Variants in CRTAC1 observed in about 807,000 individuals in gnomAD.
CRTAC1 encodes the protein acidic secreted protein in cartilage.
CRTAC1 carries 37 observed loss-of-function variants against 67.8 expected under a neutral mutation model. That is an observed-to-expected ratio of 0.55 (90% confidence interval 0.42 to 0.72). The LOEUF (loss-of-function observed/expected upper bound fraction) is 0.72, where lower values mean the gene tolerates loss of function less well. Ranked by LOEUF, CRTAC1 falls within the 30% of genes least tolerant of loss-of-function variation. The pLI is 0.00. For missense variants in CRTAC1, 780 were observed against 931.6 expected (o/e 0.84, Z 2.12); for synonymous variants, 348 against 371.0 (o/e 0.94, Z 0.71).
chr10:97,892,883 T>C lies in CRTAC1; in HGVS notation c.1486+2362A>G, dbSNP rs555949439. ...TCATATAACCAGGCTCTGGGTCCCCTAAATATTTATTGCTTCTTTTTCAGA... is the reference window on the plus strand; with the variant it reads ...TCATATAACCAGGCTCTGGGTCCCCCAAATATTTATTGCTTCTTTTTCAGA... On this transcript the variant is annotated intron_variant, in intron 11 of 14. Transcript: ENST00000370597. 5.4e-4 allele frequency among the ~76,000 whole-genome samples: 82 copies of C among 152,304 alleles called. 1 individual carries two copies. In the South Asian group the frequency reaches 0.016, roughly 30 times the overall value.
intron 2 of CRTAC1, among the ~76,000 whole-genome samples, chr10:97,949,627 C>T (rs781679133): frequency 2.6e-5 from 4 of 152,176 alleles, no homozygotes; most frequent in Non-Finnish European, 2.9e-5. Context: ...CGGAGAGAGC[C>T]CTGGACTTGA....
intron 11 of CRTAC1, among the ~76,000 whole-genome samples, chr10:97,886,164 G>C (rs1326728139): frequency 6.6e-6 from 1 of 152,166 alleles, no homozygotes; most frequent in Non-Finnish European, 1.5e-5. Context: ...GCTGGGGGGA[G>C]GACCCATGAT....
intron 2 of CRTAC1, among the ~76,000 whole-genome samples, chr10:97,979,241 G>C (rs1349047026): frequency 6.6e-6 from 1 of 152,140 alleles, no homozygotes; most frequent in Non-Finnish European, 1.5e-5. Context: ...GTCCTTGAAG[G>C]GTGGTCTCCT....
chr10:97,888,443 A>G (rs2050317596), intron 11 of CRTAC1, among the ~76,000 whole-genome samples: 1 of 152,168 alleles, frequency 6.6e-6, no homozygotes. Context: ...AGAAGTTCAG[A>G]GCGGGAAAGA....
At chr10:97,941,869 A>G (rs2051182212) in intron 2 of CRTAC1, among the ~76,000 whole-genome samples, 1 of 152,142 alleles carries the variant, frequency 6.6e-6, no homozygotes, top group South Asian at 2.1e-4. Flanking sequence ...TTGCTTGGGA[A>G]TGAAACCCAG....
chr10:97,901,410 A>AC, intron 8 of CRTAC1, 93 bp downstream of exon 8: 1 of 1,521,888 alleles, frequency 6.6e-7, no homozygotes, highest in Non-Finnish European at 9.0e-7. Flanking sequence ...GGCCCTGGGA[A>AC]CCCTCCCCTT....
intron 2 of CRTAC1, among the ~76,000 whole-genome samples, chr10:98,010,390 T>C (rs1316596613): frequency 1.3e-5 from 2 of 152,190 alleles, no homozygotes; most frequent in African/African-American, 2.4e-5. Context: ...TACAATGCAC[T>C]GTCACACACA....
chr10:98,023,400 T>C (rs1843161269), intron 1 of CRTAC1, among the ~76,000 whole-genome samples: 1 of 152,168 alleles, frequency 6.6e-6, no homozygotes, highest in South Asian at 2.1e-4. Flanking sequence ...CACTTACTCA[T>C]TTGTGCACCC....
intron 14 of CRTAC1, among the ~76,000 whole-genome samples, chr10:97,876,945 G>GTTTT (rs71007368): frequency 3.7e-5 from 2 of 53,406 alleles, no homozygotes; most frequent in Non-Finnish European, 6.2e-5. Context: ...AGGAGGCTCT[G>GTTTT]TTTTTTTTTT....
At chr10:97,919,174 A>G (rs953820611) in intron 4 of CRTAC1, among the ~76,000 whole-genome samples, 2 of 152,130 alleles carry the variant, frequency 1.3e-5, no homozygotes, top group African/African-American at 4.8e-5. Context: ...GAGGCCAAGG[A>G]GGGAGCTTAG....
At position 97,932,147 on chromosome 10, in the gene CRTAC1, A is replaced by G. The variant is rs114722907; in HGVS notation, c.421+4023T>C. Among the ~76,000 whole-genome samples the G allele has an allele frequency of 2.4e-3, 369 of 152,080 alleles. 2 individuals carry two copies. The highest frequency in any genetic ancestry group is 8.1e-3 in the African/African-American group (334 of 41,478). ...GGCCCCCCATCTGCACAGTGTTACA[A>G]TGCGGTCCTTTTCTCTTTGCTCCCA... On this transcript the variant is annotated intron_variant, in intron 3 of 14. Transcript: ENST00000370597.
intron 2 of CRTAC1, among the ~76,000 whole-genome samples, chr10:97,972,218 G>A (rs1016586742): frequency 1.3e-5 from 2 of 152,238 alleles, no homozygotes. Flanking sequence ...CAGACCCTGA[G>A]CAAAGAGAGT....
At chr10:97,920,486 G>A (rs1590209680) in intron 4 of CRTAC1, among the ~76,000 whole-genome samples, 3 of 151,270 alleles carry the variant, frequency 2.0e-5, no homozygotes, top group Non-Finnish European at 1.5e-5. Context: ...CACCTGGGGG[G>A]CTTGTTAAAA....
intron 2 of CRTAC1, among the ~76,000 whole-genome samples, chr10:97,982,812 A>G (rs901651822): frequency 2.6e-5 from 4 of 152,258 alleles, no homozygotes; most frequent in Admixed American, 2.0e-4. Flanking sequence ...CCTGTTATGG[A>G]GGACCTGACA....
intron 2 of CRTAC1, among the ~76,000 whole-genome samples, chr10:97,957,821 C>T (rs1310067727): frequency 6.6e-6 from 1 of 152,128 alleles, no homozygotes; most frequent in Admixed American, 6.5e-5. Context: ...AAAAGACACA[C>T]CGAATGGGGA....
chr10:97,972,857 C>A (rs879592350), intron 2 of CRTAC1, among the ~76,000 whole-genome samples: 17 of 152,076 alleles, frequency 1.1e-4, no homozygotes, highest in Admixed American at 4.6e-4. Context: ...AACAACGTAG[C>A]CTTATTTCAT....
At chr10:97,913,945 C>T (rs994808889) in intron 5 of CRTAC1, among the ~76,000 whole-genome samples, 22 of 152,234 alleles carry the variant, frequency 1.4e-4, no homozygotes, top group African/African-American at 5.1e-4. Flanking sequence ...ATCTGCCCTC[C>T]GCTTTGTTCC....
At chr10:97,891,741 G>A (rs1053103396) in intron 11 of CRTAC1, among the ~76,000 whole-genome samples, 13 of 152,124 alleles carry the variant, frequency 8.5e-5, no homozygotes, top group African/African-American at 4.8e-5. Context: ...TGGCGCCCTC[G>A]CTCCTGCTCC....
intron 1 of CRTAC1, among the ~76,000 whole-genome samples, chr10:98,012,473 G>A (rs1029303396): frequency 2.0e-5 from 3 of 152,188 alleles, no homozygotes; most frequent in African/African-American, 7.2e-5. Context: ...CAGGCAAAGC[G>A]GTACTTTCCT....
Sources: gnomAD v4.1 joint callset for allele counts (sites outside exome capture counted in the v4.1 genomes callset) on GRCh38, gnomAD v4.1.1 for gene constraint, MANE v1.5 for transcripts, NCBI Gene and HGNC (gene_info 2026-07-23, HGNC 2026-07-21) for gene names.